Variants in CUX2 observed in about 807,000 individuals in gnomAD.
CUX2 encodes cut like homeobox 2.
Under a neutral mutation model 144.8 loss-of-function variants are expected in CUX2, and 40 were observed. The observed-to-expected ratio is 0.28, with a 90% CI of 0.21 to 0.36. The LOEUF is 0.36. Among genes scored for constraint, CUX2 ranks in the 10% least tolerant of loss-of-function variants. The pLI is 1.00. For missense variants in CUX2, 1,615 were observed against 1,994.0 expected, an observed-to-expected ratio of 0.81 and a Z score of 3.62; for synonymous variants, 827 against 875.6, an observed-to-expected ratio of 0.94 and a Z score of 0.98.
Position 111,255,116 on chromosome 12 carries a change from C to T in CUX2, c.223-8645C>T, listed in dbSNP as rs1267096828. Among the ~76,000 whole-genome samples the T allele has an allele frequency of 6.6e-6, 1 of 152,146 alleles. No individual in the cohort carries two copies. The highest frequency in any genetic ancestry group is 2.4e-5 in the African/African-American group (1 of 41,430). On this transcript the variant is annotated intron_variant, in intron 3 of 21. Coordinates refer to ENST00000261726, the MANE Select transcript of CUX2 (RefSeq NM_015267.4). This position sits in a 1 kb window ranked among gnomAD's most constrained non-coding sequence, Gnocchi z 4.1. ...CCTCCCAAAGTGCTGGGATTACAGGCGTGAGCCACCGCACCCAACCTTAAT... is the reference window on the plus strand; with the variant it reads ...CCTCCCAAAGTGCTGGGATTACAGGTGTGAGCCACCGCACCCAACCTTAAT...
rs140317833 is a variant in CUX2, at chr12:111,181,390, G to A, written c.64-32810G>A. ...TGAAAAGCTTTGGCTTGGAGGCGCC[G>A]GTAATAATGCACTGGCTAGACTCTC... On this transcript the variant is annotated intron_variant, in intron 1 of 21. Coordinates refer to ENST00000261726, the MANE Select transcript of CUX2 (RefSeq NM_015267.4). 1.9e-3 allele frequency among the ~76,000 whole-genome samples: 296 copies of A among 152,336 alleles called. 2 individuals carry two copies. The highest frequency in any genetic ancestry group is 6.7e-3 in the African/African-American group (278 of 41,574).
intron 1 of CUX2, among the ~76,000 whole-genome samples, chr12:111,105,083 G>T (rs575286527): frequency 7.4e-4 from 113 of 152,272 alleles, no homozygotes; most frequent in African/African-American, 2.7e-3. Flanking sequence ...CAGGGACCTG[G>T]GCTCATCGCT....
At chr12:111,332,714 C>T (rs1469034018) in intron 18 of CUX2, among the ~76,000 whole-genome samples, 1 of 152,126 alleles carries the variant, frequency 6.6e-6, no homozygotes, top group Non-Finnish European at 1.5e-5. Flanking sequence ...TTAATTTTGC[C>T]ATAATCGTGC....
chr12:111,312,217 G>A lies in CUX2; in HGVS notation c.2002+16G>A, dbSNP rs1258926157. ...CAGAAGGGCGGTGAGTGTGACCCCT[G>A]CAGGCAAAGCCTGAGGCCCCCGGGG... On this transcript the variant is annotated intron_variant, in intron 16 of 21. Coordinates refer to ENST00000261726, the MANE Select transcript of CUX2 (RefSeq NM_015267.4). This position sits in a 1 kb window ranked among gnomAD's most constrained non-coding sequence, Gnocchi z 4.3. 1 of 1,590,322 alleles carries A rather than the reference G, an allele frequency of 6.3e-7. No individual in the cohort carries two copies. The highest frequency in any genetic ancestry group is 1.7e-5 in the Admixed American group (1 of 57,428).
chr12:111,155,874 A>C (rs1877337812), intron 1 of CUX2, among the ~76,000 whole-genome samples: 1 of 152,188 alleles, frequency 6.6e-6, no homozygotes, highest in Admixed American at 6.5e-5. Context: ...TTTATAGCAC[A>C]TTAGATTGTA....
At chr12:111,108,828 T>C (rs1245651454) in intron 1 of CUX2, among the ~76,000 whole-genome samples, 1 of 152,194 alleles carries the variant, frequency 6.6e-6, no homozygotes, top group East Asian at 1.9e-4. Flanking sequence ...CTTCTGTCCA[T>C]TGGGTTTGGC....
In CUX2 at chr12:111,256,144, G is replaced by A. The variant is rs530012505; in HGVS notation, c.223-7617G>A. Among the ~76,000 whole-genome samples the A allele has an allele frequency of 5.9e-4, 90 of 151,932 alleles. 1 individual carries two copies. Among genetic ancestry groups the A allele is most frequent in the African/African-American group, 2.0e-3 (83 of 41,406 alleles). On this transcript the variant is annotated intron_variant, in intron 3 of 21. Transcript: ENST00000261726. ...AGGGGTTCTCATCGCTCCTCTCCAC[G>A]GCCCATCGGCCCCTACCCACCGCAC...
chr12:111,260,156 G>A (rs1440758092), intron 3 of CUX2, among the ~76,000 whole-genome samples: 4 of 149,040 alleles, frequency 2.7e-5, no homozygotes, highest in Non-Finnish European at 5.9e-5. Context: ...CAGCGAGACT[G>A]TCCAAAAAAA....
intron 1 of CUX2, among the ~76,000 whole-genome samples, chr12:111,052,168 C>T (rs1369807916): frequency 6.6e-6 from 1 of 152,144 alleles, no homozygotes; most frequent in Non-Finnish European, 1.5e-5. Flanking sequence ...ATACTTCTTC[C>T]CATCAACTCC....
At chr12:111,328,982 T>TCTCTCTCCCCCC (rs1887963639) in intron 18 of CUX2, among the ~76,000 whole-genome samples, 3 of 78,238 alleles carry the variant, frequency 3.8e-5, no homozygotes, top group African/African-American at 2.3e-4. Flanking sequence ...TCTCCCCCTC[T>TCTCTCTCCCCCC]CTCCCTCTCT....
chr12:111,151,830 G>A (rs910193748), intron 1 of CUX2, among the ~76,000 whole-genome samples: 2 of 152,148 alleles, frequency 1.3e-5, no homozygotes, highest in Non-Finnish European at 1.5e-5. Context: ...GTTTCCAAGC[G>A]ACTACTGATG....
intron 1 of CUX2, among the ~76,000 whole-genome samples, chr12:111,093,362 G>T (rs1475260775): frequency 6.6e-6 from 1 of 152,106 alleles, no homozygotes; most frequent in African/African-American, 2.4e-5. Flanking sequence ...TGCATCTCCT[G>T]CCCCTCACAC....
intron 1 of CUX2, among the ~76,000 whole-genome samples, chr12:111,078,795 G>T (rs578045202): frequency 2.0e-5 from 3 of 152,214 alleles, no homozygotes; most frequent in Non-Finnish European, 4.4e-5. Context: ...TCAGAGGCAG[G>T]TGGGCTGGGA....
At chr12:111,192,035 A>G (rs1879920253) in intron 1 of CUX2, among the ~76,000 whole-genome samples, 1 of 152,008 alleles carries the variant, frequency 6.6e-6, no homozygotes, top group South Asian at 2.1e-4. Context: ...TCTTACTAAC[A>G]CCCTGTGACC....
intron 1 of CUX2, among the ~76,000 whole-genome samples, chr12:111,189,164 C>G (rs562670432): frequency 2.0e-5 from 3 of 152,240 alleles, no homozygotes; most frequent in African/African-American, 7.2e-5. Flanking sequence ...CCCAGCTACT[C>G]AAGGGGCTGA....
At chr12:111,106,461 CT>C (rs2136076316) in intron 1 of CUX2, among the ~76,000 whole-genome samples, 1 of 151,888 alleles carries the variant, frequency 6.6e-6, no homozygotes, top group African/African-American at 2.4e-5. Flanking sequence ...CCAGTCCTGG[CT>C]AATATTTTTA....
rs925981289 is a variant in CUX2, at chr12:111,289,907, C to T, written c.302-1511C>T. ...GGGCAGCTGCCTGGGAGCATCTAGACCCCCACATAGCCTACAGAAGTGCTG... is the reference window on the plus strand; with the variant it reads ...GGGCAGCTGCCTGGGAGCATCTAGATCCCCACATAGCCTACAGAAGTGCTG... On this transcript the variant is annotated intron_variant, in intron 4 of 21. Transcript: ENST00000261726. This position sits in a 1 kb window ranked among gnomAD's most constrained non-coding sequence, Gnocchi z 4.1. Among the ~76,000 whole-genome samples the T allele has an allele frequency of 6.6e-6, 1 of 152,118 alleles. No homozygotes were observed. Among genetic ancestry groups the T allele is most frequent in the African/African-American group, 2.4e-5 (1 of 41,412 alleles).
intron 1 of CUX2, among the ~76,000 whole-genome samples, chr12:111,211,344 C>T (rs1881215683): frequency 1.3e-5 from 2 of 152,150 alleles, no homozygotes; most frequent in Admixed American, 6.5e-5. Context: ...TCTGTTCTCT[C>T]TGCAGTGTGG....
At position 111,199,334 on chromosome 12, in the gene CUX2, T is replaced by A. The variant is rs149465046; in HGVS notation, c.64-14866T>A. ...TCCTGGTGCTGGAATCTGCATTCTG[T>A]ACTTCAGTACTACTCTGGGCAGCTC... is the stretch of plus-strand genomic sequence containing the variant. On this transcript the variant is annotated intron_variant, in intron 1 of 21. Coordinates refer to ENST00000261726, the MANE Select transcript of CUX2 (RefSeq NM_015267.4). Among the ~76,000 whole-genome samples the A allele has an allele frequency of 2.0e-4, 30 of 152,296 alleles. No individual in the cohort carries two copies. In the East Asian group the frequency reaches 5.6e-3, roughly 28 times the overall value.
Sources: allele counts gnomAD v4.1 joint callset (sites outside exome capture counted in the v4.1 genomes callset), GRCh38; gene constraint gnomAD v4.1.1; non-coding constraint Gnocchi (gnomAD v3.1); transcripts MANE v1.5; gene names NCBI Gene and HGNC (gene_info 2026-07-23, HGNC 2026-07-21).